SLC16A2: variants seen among roughly 807,000 people sequenced by gnomAD.
SLC16A2 encodes the protein solute carrier family 16 member 2.
SLC16A2 carries 3 observed loss-of-function variants against 27.2 expected under a neutral mutation model. The ratio of observed to expected loss-of-function variants is 0.11; its 90% CI spans 0.05 to 0.28. The LOEUF (loss-of-function observed/expected upper bound fraction) is 0.28. Ranked by LOEUF, SLC16A2 falls within the 10% of genes least tolerant of loss-of-function variation. The probability of loss-of-function intolerance (pLI) is 1.00; values close to 1 mark genes in which losing one functional copy is unlikely to be tolerated. For missense variants in SLC16A2, 295 were observed against 458.5 expected (o/e 0.64, Z 3.26); for synonymous variants, 202 against 187.8 (o/e 1.08, Z -0.62).
chrX:74,428,961 G>A (rs1928475962), intron 1 of SLC16A2, among the ~76,000 whole-genome samples: 1 of 111,245 alleles, frequency 9.0e-6, no homozygotes, highest in Non-Finnish European at 1.9e-5. Context: ...CCGTGTTTCT[G>A]GTTCATTCTA....
intron 1 of SLC16A2, among the ~76,000 whole-genome samples, chrX:74,423,371 G>T (rs1181471845): frequency 8.9e-6 from 1 of 112,016 alleles, no homozygotes; most frequent in African/African-American, 3.3e-5. Flanking sequence ...GGGGACCTGG[G>T]AATTATTAAG....
rs1930397402 is a variant in SLC16A2 at position 74,521,009 on chromosome X, G to A, written c.450G>A (p.Ala150=). 2 of 1,209,883 alleles carry A rather than the reference G, an allele frequency of 1.7e-6. No homozygotes were observed. The highest frequency in any genetic ancestry group is 1.8e-5 in the South Asian group (1 of 56,822). The change falls in exon 2 of 6, where the codon GCG becomes GCA. Residue 150 remains alanine, a synonymous_variant. Coordinates refer to ENST00000587091, the MANE Select transcript of SLC16A2 (RefSeq NM_006517.5). The stretch of plus-strand genomic sequence containing the variant: ...CTGCAGCATGGGTCGGAGCCCTCGC[G>A]ATGGGTATGATCTTCTTCTGTTCTC... The part of the protein sequence containing the change: ...EFQAAWVGAL[A]MGMIFFCSPI...
At chrX:74,433,994 G>A (rs984572975) in intron 1 of SLC16A2, among the ~76,000 whole-genome samples, 3 of 112,200 alleles carry the variant, frequency 2.7e-5, no homozygotes, top group African/African-American at 6.5e-5. Flanking sequence ...CATACAGCCT[G>A]GCACGTACTA....
chrX:74,426,316 C>G (rs969699649), intron 1 of SLC16A2, among the ~76,000 whole-genome samples: 1 of 111,989 alleles, frequency 8.9e-6, no homozygotes, highest in African/African-American at 3.2e-5. Flanking sequence ...TCACGTCATT[C>G]CCCTGCCCCC....
intron 1 of SLC16A2, among the ~76,000 whole-genome samples, chrX:74,480,620 G>A (rs1253132410): frequency 8.9e-6 from 1 of 112,135 alleles, no homozygotes; most frequent in East Asian, 2.8e-4. Flanking sequence ...CATCCATCTT[G>A]GCTCCACCCT....
At chrX:74,447,484 A>T (rs1416386261) in intron 1 of SLC16A2, among the ~76,000 whole-genome samples, 1 of 110,029 alleles carries the variant, frequency 9.1e-6, no homozygotes, top group African/African-American at 3.3e-5. Context: ...ACCAGCCTGG[A>T]CAATATAGCG....
At chrX:74,480,765 A>G (rs1192710350) in intron 1 of SLC16A2, among the ~76,000 whole-genome samples, 2 of 112,395 alleles carry the variant, frequency 1.8e-5, no homozygotes, top group African/African-American at 6.5e-5. Flanking sequence ...AACCTCAAGT[A>G]CAATGCTGAA....
At chrX:74,519,988 G>A (rs763839829) in intron 1 of SLC16A2, among the ~76,000 whole-genome samples, 11 of 111,489 alleles carry the variant, frequency 9.9e-5, no homozygotes, top group Non-Finnish European at 1.9e-4. Flanking sequence ...CTCCAACAAA[G>A]TAAAGATTCC....
intron 1 of SLC16A2, among the ~76,000 whole-genome samples, chrX:74,438,038 T>A (rs1928658070): frequency 8.9e-6 from 1 of 112,251 alleles, no homozygotes; most frequent in African/African-American, 3.2e-5. Flanking sequence ...ATGGAATCTG[T>A]TTTTAGCACT....
At chrX:74,434,149 AG>A (rs780121849) in intron 1 of SLC16A2, among the ~76,000 whole-genome samples, 4 of 105,525 alleles carry the variant, frequency 3.8e-5, no homozygotes, top group Non-Finnish European at 5.8e-5. Context: ...GAGAAGGAAA[AG>A]GGTCCCTCAA....
At chrX:74,479,359 A>AT (rs1373212901) in intron 1 of SLC16A2, among the ~76,000 whole-genome samples, 1 of 111,326 alleles carries the variant, frequency 9.0e-6, no homozygotes, top group Non-Finnish European at 1.9e-5. Flanking sequence ...ACTTCTCAGC[A>AT]TTGGTTATTC....
intron 1 of SLC16A2, among the ~76,000 whole-genome samples, chrX:74,483,449 C>G (rs571949344): frequency 9.0e-6 from 1 of 111,623 alleles, no homozygotes; most frequent in Non-Finnish European, 1.9e-5. Context: ...GCTGGTGAAC[C>G]ATTCTGCAGC....
intron 1 of SLC16A2, among the ~76,000 whole-genome samples, chrX:74,489,661 A>T (rs1929786826): frequency 9.0e-6 from 1 of 111,368 alleles, no homozygotes; most frequent in South Asian, 3.7e-4. Context: ...CATTGTGTAC[A>T]CAACACATAA....
At chrX:74,444,130 G>T (rs1928800440) in intron 1 of SLC16A2, among the ~76,000 whole-genome samples, 1 of 111,278 alleles carries the variant, frequency 9.0e-6, no homozygotes, top group Non-Finnish European at 1.9e-5. Flanking sequence ...TTCCCTGGGA[G>T]ACCCCTGAGT....
At position 74,422,185 on chromosome X, in the gene SLC16A2, C is replaced by T. The variant is rs1053856515; in HGVS notation, c.430+118C>T. 4 of 690,940 alleles carry T rather than the reference C, an allele frequency of 5.8e-6. No individual in the cohort carries two copies. The African/African-American group carries it at 6.4e-5, about 11-fold the overall frequency. The allele number at this position is 690,940 out of a possible 1,213,427, so 56.9% of individuals were successfully genotyped here. The stretch of plus-strand genomic sequence containing the variant: ...TCCAACGCGCCTCTCCGACTCCTCC[C>T]CTTACCCCTTACCCCTTGCCCCTTG... On this transcript the variant is annotated intron_variant, in intron 1 of 5. Transcript: ENST00000587091.
At chrX:74,511,371 C>T (rs987325066) in intron 1 of SLC16A2, among the ~76,000 whole-genome samples, 2 of 110,611 alleles carry the variant, frequency 1.8e-5, no homozygotes, top group African/African-American at 6.6e-5. Context: ...TTAGAAGAGA[C>T]GGGATTTCAC....
At chrX:74,469,587 T>A (rs1415257500) in intron 1 of SLC16A2, among the ~76,000 whole-genome samples, 3 of 111,578 alleles carry the variant, frequency 2.7e-5, no homozygotes, top group African/African-American at 9.8e-5. Context: ...ATATTAGGTA[T>A]CTTTTCATGT....
intron 1 of SLC16A2, among the ~76,000 whole-genome samples, chrX:74,484,810 C>T (rs1390034584): frequency 8.9e-6 from 1 of 112,118 alleles, no homozygotes; most frequent in African/African-American, 3.2e-5. Context: ...CCATTCTGTC[C>T]CTTGGTGGGG....
chrX:74,440,834 A>C (rs184184342), intron 1 of SLC16A2, among the ~76,000 whole-genome samples: 167 of 110,599 alleles, frequency 1.5e-3, no homozygotes, highest in African/African-American at 5.1e-3. Context: ...ACGCGCATGC[A>C]TGAGCATGGA....
Sources: allele counts gnomAD v4.1 joint callset (sites outside exome capture counted in the v4.1 genomes callset), GRCh38; gene constraint gnomAD v4.1.1; transcripts MANE v1.5; gene names NCBI Gene and HGNC (gene_info 2026-07-23, HGNC 2026-07-21).